Variants in PCDHGA6 observed in about 807,000 individuals in gnomAD.
The protein encoded by PCDHGA6 is protocadherin gamma-A6.
A neutral mutation model predicts 60.6 loss-of-function variants in PCDHGA6; 41 were observed. That is an observed-to-expected ratio of 0.68 (90% CI 0.53 to 0.88). The LOEUF (loss-of-function observed/expected upper bound fraction) is 0.88. Among genes scored for constraint, PCDHGA6 ranks in the 40% least tolerant of loss-of-function variants. The pLI is 0.00. For missense variants in PCDHGA6, 1,312 were observed against 1,203.0 expected (o/e 1.09, Z -1.34); for synonymous variants, 594 against 524.4 (o/e 1.13, Z -1.81).
intron 1 of PCDHGA6, chr5:141,412,306 A>G (rs1160364599): frequency 1.3e-5 from 2 of 152,238 alleles, no homozygotes; most frequent in Non-Finnish European, 2.9e-5. Flanking sequence ...TCTCATTACA[A>G]TGCAAACAGT....
At chr5:141,463,831 C>T (rs2099070299) in intron 1 of PCDHGA6, among the ~76,000 whole-genome samples, 1 of 152,174 alleles carries the variant, frequency 6.6e-6, no homozygotes, top group African/African-American at 2.4e-5. Flanking sequence ...TGATCCACTT[C>T]CCAGTTGTTA....
intron 1 of PCDHGA6, chr5:141,419,601 C>A (rs753678898): frequency 6.2e-7 from 1 of 1,611,818 alleles, no homozygotes; most frequent in Admixed American, 1.7e-5. Flanking sequence ...GTGCCGCGGG[C>A]CGCGCAGCCA....
At chr5:141,444,672 A>G (rs990955921) in intron 1 of PCDHGA6, among the ~76,000 whole-genome samples, 2 of 152,086 alleles carry the variant, frequency 1.3e-5, no homozygotes, top group Non-Finnish European at 2.9e-5. Flanking sequence ...ATTTTTTTCA[A>G]TACCATTTAT....
intron 1 of PCDHGA6, chr5:141,383,067 C>G: frequency 1.2e-6 from 2 of 1,613,822 alleles, no homozygotes; most frequent in South Asian, 1.1e-5. Flanking sequence ...GGCTGGAGCC[C>G]CGGGAGCTGG....
At chr5:141,381,244 C>T (rs554184818) in intron 1 of PCDHGA6, among the ~76,000 whole-genome samples, 2 of 152,360 alleles carry the variant, frequency 1.3e-5, no homozygotes, top group African/African-American at 4.8e-5. Flanking sequence ...TCTCCAGGAC[C>T]TAGAAGAATT....
chr5:141,421,592 T>C (rs1590304832), intron 1 of PCDHGA6: 1 of 1,613,272 alleles, frequency 6.2e-7, no homozygotes, highest in Non-Finnish European at 8.5e-7. Context: ...GGAGTGGAGG[T>C]GGAAATAATA....
chr5:141,404,974 C>A, intron 1 of PCDHGA6: 1 of 1,614,022 alleles, frequency 6.2e-7, no homozygotes, highest in South Asian at 1.1e-5. Flanking sequence ...TCCTGGCTGA[C>A]CTGGGCAGTC....
intron 1 of PCDHGA6, chr5:141,419,343 A>G: frequency 6.2e-7 from 1 of 1,613,806 alleles, no homozygotes; most frequent in East Asian, 2.2e-5. Flanking sequence ...ATTGCCAGCG[A>G]CCTGGAGTCA....
rs761202330 is a variant in PCDHGA6 at position 141,489,878 on chromosome 5, C to T, written c.2425-4929C>T. 1.1e-5 allele frequency: 17 copies of T among 1,614,116 alleles called. No individual in the cohort carries two copies. In the East Asian group the frequency reaches 3.6e-4, roughly 34 times the overall value. On this transcript the variant is annotated intron_variant, in intron 1 of 3. Transcript: ENST00000517434. This position sits in a 1 kb window ranked among gnomAD's most constrained non-coding sequence, Gnocchi z 4.5. ...CAGGCAAGACATCAGCTGGTGCTTA[C>T]TGCTGTGGATGGGGGGACCCCAGCC... is the stretch of plus-strand genomic sequence containing the variant.
chr5:141,487,196 G>A lies in PCDHGA6; in HGVS notation c.2425-7611G>A. On this transcript the variant is annotated intron_variant, in intron 1 of 3. Coordinates refer to ENST00000517434, the MANE Select transcript of PCDHGA6 (RefSeq NM_018919.3). This position sits in a 1 kb window ranked among gnomAD's most constrained non-coding sequence, Gnocchi z 5.0. Reference sequence around the variant, plus strand: ...GGAAGACACTCATCCAGTTGTCCCAGATCTTCGAGAATCTTCAGCTCCAAG... The same window carrying A: ...GGAAGACACTCATCCAGTTGTCCCAAATCTTCGAGAATCTTCAGCTCCAAG... The A allele has an allele frequency of 1.2e-6, 2 of 1,613,878 alleles. No homozygotes were observed. The highest frequency in any genetic ancestry group is 8.5e-7 in the Non-Finnish European group (1 of 1,179,796).
Position 141,485,548 on chromosome 5 carries a change from T to C in PCDHGA6, c.2425-9259T>C, listed in dbSNP as rs749739126. ...ACCGAGCAGAGGTAGAGATCGTAGA[T>C]GTGAATGATCACGCCCCCCGTTTTC... On this transcript the variant is annotated intron_variant, in intron 1 of 3. Transcript: ENST00000517434. This position sits in a 1 kb window ranked among gnomAD's most constrained non-coding sequence, Gnocchi z 5.7. The C allele has an allele frequency of 3.1e-6, 5 of 1,614,040 alleles. No homozygotes were observed. The highest frequency in any genetic ancestry group is 3.4e-6 in the Non-Finnish European group (4 of 1,179,942).
intron 1 of PCDHGA6, chr5:141,400,367 C>A (rs372561902): frequency 6.8e-5 from 110 of 1,613,946 alleles, no homozygotes; most frequent in Non-Finnish European, 8.8e-5. Flanking sequence ...TTGCCTTATT[C>A]CTACAACCTA....
chr5:141,462,512 A>C (rs1169461013), intron 1 of PCDHGA6, among the ~76,000 whole-genome samples: 1 of 152,106 alleles, frequency 6.6e-6, no homozygotes, highest in Non-Finnish European at 1.5e-5. Flanking sequence ...AACTAGATCA[A>C]GTTAGTAAGA....
rs748605515 is a variant in PCDHGA6 at position 141,486,688 on chromosome 5, C to T, written c.2425-8119C>T. ...CCAGGAATCGAGATGTATCAGCTTC[C>T]TCTTTCATCTCTCTGAACCCCCAGA... On this transcript the variant is annotated intron_variant, in intron 1 of 3. Transcript: ENST00000517434. The surrounding 1 kb of genome is among the most constrained non-coding windows in gnomAD (Gnocchi z 5.0). 2 of 1,614,170 alleles carry T rather than the reference C, an allele frequency of 1.2e-6. No individual in the cohort carries two copies. The highest frequency in any genetic ancestry group is 1.1e-5 in the South Asian group (1 of 91,086).
chr5:141,426,437 C>T (rs914971616), intron 1 of PCDHGA6: 6 of 300,546 alleles, frequency 2.0e-5, no homozygotes, highest in South Asian at 6.4e-5. Flanking sequence ...GGGAACCTTG[C>T]GGAGGACATG....
intron 1 of PCDHGA6, among the ~76,000 whole-genome samples, chr5:141,465,409 A>G (rs1037916815): frequency 3.3e-5 from 5 of 152,188 alleles, no homozygotes; most frequent in African/African-American, 4.8e-5. Flanking sequence ...AAGAAGCCAA[A>G]TCAGCACTGA....
intron 1 of PCDHGA6, chr5:141,478,044 C>A (rs1302168166): frequency 1.9e-6 from 3 of 1,614,184 alleles, no homozygotes; most frequent in South Asian, 1.1e-5. Flanking sequence ...CCCAGGCAGA[C>A]TCTCACGGTC....
intron 1 of PCDHGA6, among the ~76,000 whole-genome samples, chr5:141,481,700 T>C (rs1283509788): frequency 2.0e-5 from 3 of 152,034 alleles, no homozygotes; most frequent in Non-Finnish European, 4.4e-5. Context: ...ACGCCTGTAA[T>C]CCCAGCACTT....
intron 1 of PCDHGA6, chr5:141,417,879 A>G (rs2096177010): frequency 7.1e-6 from 11 of 1,559,306 alleles, no homozygotes; most frequent in South Asian, 2.3e-5. Flanking sequence ...AGCTGCGCGC[A>G]GAGGCGCCGG....
Sources: allele counts gnomAD v4.1 joint callset (sites outside exome capture counted in the v4.1 genomes callset), GRCh38; gene constraint gnomAD v4.1.1; non-coding constraint Gnocchi (gnomAD v3.1); transcripts MANE v1.5; gene names NCBI Gene and HGNC (gene_info 2026-07-23, HGNC 2026-07-21).